Variants in USH2A observed in about 807,000 individuals in gnomAD.
USH2A encodes the protein usherin.
USH2A carries 443 observed loss-of-function variants against 538.9 expected under a neutral mutation model. The observed-to-expected ratio is 0.82, with a 90% CI of 0.76 to 0.89. The LOEUF (loss-of-function observed/expected upper bound fraction) is 0.89, where lower values mean the gene tolerates loss of function less well. Among genes scored for constraint, USH2A ranks in the 40% least tolerant of loss-of-function variants. The pLI is 0.00. For missense variants in USH2A, 6,633 were observed against 6,324.8 expected, an observed-to-expected ratio of 1.05 and a Z score of -1.65; for synonymous variants, 2,413 against 2,273.5, an observed-to-expected ratio of 1.06 and a Z score of -1.75.
chr1:215,728,895 CG>C (rs1457471135), intron 60 of USH2A, among the ~76,000 whole-genome samples: 1 of 151,920 alleles, frequency 6.6e-6, no homozygotes, highest in East Asian at 1.9e-4. Flanking sequence ...GCAGTTATAT[CG>C]GGGTTTTATT....
intron 26 of USH2A, among the ~76,000 whole-genome samples, chr1:216,078,787 T>C (rs959600432): frequency 6.6e-6 from 1 of 152,148 alleles, no homozygotes; most frequent in African/African-American, 2.4e-5. Context: ...GGGGAAAATA[T>C]GGCAAGACAA....
intron 32 of USH2A, among the ~76,000 whole-genome samples, chr1:216,003,416 A>C (rs908865504): frequency 6.6e-6 from 1 of 152,150 alleles, no homozygotes; most frequent in Non-Finnish European, 1.5e-5. Flanking sequence ...AAAACACAGA[A>C]CAGAGGAAGG....
chr1:215,784,729 A>G (rs1415871245), intron 52 of USH2A, among the ~76,000 whole-genome samples: 3 of 152,230 alleles, frequency 2.0e-5, no homozygotes, highest in Non-Finnish European at 4.4e-5. Flanking sequence ...AACATCTTTC[A>G]TGAAAAAGAA....
At chr1:215,629,174 A>G in intron 70 of USH2A, 139 bp from the exon 71 acceptor site, 2 of 913,454 alleles carry the variant, frequency 2.2e-6, no homozygotes, top group Non-Finnish European at 1.7e-6. Flanking sequence ...GAAGGGAACA[A>G]CTGTCACCTA....
intron 21 of USH2A, among the ~76,000 whole-genome samples, chr1:216,097,891 C>T (rs2032479297): frequency 6.6e-6 from 1 of 152,022 alleles, no homozygotes; most frequent in Non-Finnish European, 1.5e-5. Flanking sequence ...GTCCCCATCT[C>T]CAGCCCTATG....
chr1:215,956,167 A>G (rs905817913), intron 37 of USH2A, among the ~76,000 whole-genome samples: 1 of 152,184 alleles, frequency 6.6e-6, no homozygotes, highest in Non-Finnish European at 1.5e-5. Flanking sequence ...CACTGATTCT[A>G]ATATTACTAT....
intron 58 of USH2A, among the ~76,000 whole-genome samples, chr1:215,756,019 C>T (rs1007579377): frequency 6.6e-6 from 1 of 152,010 alleles, no homozygotes; most frequent in Non-Finnish European, 1.5e-5. Flanking sequence ...AATGTTGGAA[C>T]AAATACGTTT....
chr1:216,420,048 T>C (rs1363353473), intron 2 of USH2A, among the ~76,000 whole-genome samples: 1 of 152,132 alleles, frequency 6.6e-6, no homozygotes, highest in Non-Finnish European at 1.5e-5. Flanking sequence ...AAATAAAAGT[T>C]TTATATAAAT....
At chr1:216,159,950 A>G (rs1572010013) in intron 21 of USH2A, among the ~76,000 whole-genome samples, 1 of 152,064 alleles carries the variant, frequency 6.6e-6, no homozygotes, top group East Asian at 1.9e-4. Flanking sequence ...GTTTTAGCGT[A>G]GTGCTGTTCT....
At chr1:215,966,232 G>C in intron 36 of USH2A, among the ~76,000 whole-genome samples, 1 of 152,094 alleles carries the variant, frequency 6.6e-6, no homozygotes, top group East Asian at 1.9e-4. Flanking sequence ...GATTTCAATA[G>C]ATAAATAAGT....
chr1:216,029,118 T>C (rs1232864300), intron 32 of USH2A, among the ~76,000 whole-genome samples: 1 of 152,096 alleles, frequency 6.6e-6, no homozygotes, highest in Non-Finnish European at 1.5e-5. Context: ...TGCATTAATA[T>C]ATATTCATGG....
rs565516657 is a variant in USH2A, at chr1:215,976,507, G to A, written c.6806-5731C>T. ...TCTTTTGATGCCTACTTTGTTGAGGGCTTTTATCATGAAGGTATATTGGAT... is the reference window on the plus strand; with the variant it reads ...TCTTTTGATGCCTACTTTGTTGAGGACTTTTATCATGAAGGTATATTGGAT... On this transcript the variant is annotated intron_variant, in intron 35 of 71. Transcript: ENST00000307340. Among the ~76,000 whole-genome samples the A allele has an allele frequency of 4.6e-5, 7 of 152,116 alleles. No individual in the cohort carries two copies. In the South Asian group the frequency reaches 1.5e-3, roughly 32 times the overall value.
chr1:215,905,609 A>G (rs1276934937), intron 38 of USH2A, among the ~76,000 whole-genome samples: 1 of 152,094 alleles, frequency 6.6e-6, no homozygotes, highest in Non-Finnish European at 1.5e-5. Context: ...ACTCACTTCC[A>G]GGGGTGCACT....
intron 38 of USH2A, among the ~76,000 whole-genome samples, chr1:215,913,132 T>C (rs1440485372): frequency 6.6e-6 from 1 of 152,140 alleles, no homozygotes; most frequent in Non-Finnish European, 1.5e-5. Flanking sequence ...TTATATTCCC[T>C]GAAAAACTGA....
At chr1:215,703,194 C>T (rs926345784) in intron 61 of USH2A, among the ~76,000 whole-genome samples, 2 of 152,184 alleles carry the variant, frequency 1.3e-5, no homozygotes, top group African/African-American at 4.8e-5. Flanking sequence ...AGCTTTGTCC[C>T]AGAGGGGCAC....
intron 37 of USH2A, among the ~76,000 whole-genome samples, chr1:215,958,184 G>A (rs930026247): frequency 3.3e-5 from 5 of 152,072 alleles, no homozygotes; most frequent in African/African-American, 4.8e-5. Context: ...ATTCTGGGGA[G>A]AAAAGCACCC....
intron 48 of USH2A, among the ~76,000 whole-genome samples, chr1:215,814,293 C>A (rs892936529): frequency 1.4e-5 from 2 of 145,282 alleles, no homozygotes; most frequent in African/African-American, 5.0e-5. Context: ...AGATATAGAT[C>A]TTTTATTATA....
At chr1:215,871,916 G>A (rs528793619) in intron 43 of USH2A, among the ~76,000 whole-genome samples, 1 of 152,342 alleles carries the variant, frequency 6.6e-6, no homozygotes, top group South Asian at 2.1e-4. Flanking sequence ...GGAAGGGACT[G>A]ATATATTGTG....
intron 61 of USH2A, among the ~76,000 whole-genome samples, chr1:215,719,157 TG>T (rs1384206344): frequency 6.6e-6 from 1 of 152,052 alleles, no homozygotes; most frequent in East Asian, 1.9e-4. Context: ...TGTGTCTGTG[TG>T]TGTGTGTGAC....
Sources: allele counts gnomAD v4.1 joint callset (sites outside exome capture counted in the v4.1 genomes callset), GRCh38; gene constraint gnomAD v4.1.1; transcripts MANE v1.5; gene names NCBI Gene and HGNC (gene_info 2026-07-23, HGNC 2026-07-21).